TUT4: variants seen among roughly 807,000 people sequenced by gnomAD.
TUT4 encodes terminal uridylyl transferase 4, also known as terminal uridylyltransferase 4.
Under a neutral mutation model 192.2 loss-of-function variants are expected in TUT4, and 36 were observed. The ratio of observed to expected loss-of-function variants is 0.19; its 90% CI spans 0.14 to 0.25. The LOEUF (loss-of-function observed/expected upper bound fraction) is 0.25. TUT4 is among the 10% of genes least tolerant of loss of function. The pLI is 1.00. For synonymous variants in TUT4, 618 were observed against 666.0 expected, an observed-to-expected ratio of 0.93 and a Z score of 1.11; for missense variants, 1,493 against 1,957.2, an observed-to-expected ratio of 0.76 and a Z score of 4.47.
chr1:52,454,648 T>C (rs1020007606), intron 20 of TUT4, among the ~76,000 whole-genome samples: 1 of 152,208 alleles, frequency 6.6e-6, no homozygotes, highest in Non-Finnish European at 1.5e-5. Flanking sequence ...CTGTATGACC[T>C]TGAGTATAGT....
At chr1:52,441,595 C>CAT (rs1481733219) in intron 24 of TUT4, among the ~76,000 whole-genome samples, 1 of 151,714 alleles carries the variant, frequency 6.6e-6, no homozygotes, top group Non-Finnish European at 1.5e-5. Context: ...GCCTGGCCGG[C>CAT]ATACTGCATT....
At chr1:52,530,792 C>T (rs769813147) in intron 1 of TUT4, among the ~76,000 whole-genome samples, 1 of 152,038 alleles carries the variant, frequency 6.6e-6, no homozygotes, top group Non-Finnish European at 1.5e-5. Context: ...TGCTTGAGCT[C>T]GCAAGTTCGA....
At chr1:52,505,610 G>C (rs760503232) in intron 4 of TUT4, among the ~76,000 whole-genome samples, 34 of 151,698 alleles carry the variant, frequency 2.2e-4, no homozygotes, top group Non-Finnish European at 4.4e-4. Flanking sequence ...TTAGTGGAGA[G>C]GGGGTTTCGC....
chr1:52,456,610 T>C (rs1014171328), intron 20 of TUT4, among the ~76,000 whole-genome samples: 1 of 151,794 alleles, frequency 6.6e-6, no homozygotes, highest in African/African-American at 2.4e-5. Flanking sequence ...ACATACTATA[T>C]GATTCCAACA....
intron 11 of TUT4, 25 bp from the exon 12 acceptor site, chr1:52,477,907 T>C (rs200375094): frequency 9.6e-6 from 15 of 1,565,208 alleles, no homozygotes; most frequent in South Asian, 3.6e-5. Flanking sequence ...ATACTTTTCA[T>C]TTAAGCTTAA....
chr1:52,478,071 G>T (rs1213685457), intron 11 of TUT4, among the ~76,000 whole-genome samples, 189 bp from the exon 12 acceptor site: 1 of 152,114 alleles, frequency 6.6e-6, no homozygotes, highest in Non-Finnish European at 1.5e-5. Context: ...TAGGAATTCT[G>T]CATTCTTTCC....
At position 52,423,975 on chromosome 1, in the gene TUT4, T is replaced by G. The variant is rs371651175; in HGVS notation, c.4898A>C (p.Glu1633Ala). 142 of 1,612,484 alleles carry G rather than the reference T, an allele frequency of 8.8e-5. No homozygotes were observed. The highest frequency in any genetic ancestry group is 1.2e-4 in the Non-Finnish European group (136 of 1,179,418). ...TCCTCTTGGTGGGTGGGGACAACGC[T>G]CTCTACACCGACGGGTGGCACATCT... Reference protein sequence around the residue: ...QDRCATRRCRERCPHPPRGNV... With the variant: ...QDRCATRRCRARCPHPPRGNV... Residue 1633 changes from glutamate (E) to alanine (A), a missense_variant, in exon 30 of 30, where the codon GAG (glutamate) becomes GCG (alanine). By Grantham distance (107) the Glu-to-Ala change is moderately radical. Around this residue, in one of 7 missense-constraint regions of TUT4, gnomAD observed 351 missense variants for 397.8 expected, o/e 0.88. Coordinates refer to ENST00000257177, the MANE Select transcript of TUT4 (RefSeq NM_001009881.3).
In TUT4 at chr1:52,431,290, G is replaced by C. The variant is rs780549636; in HGVS notation, c.4434C>G (p.Pro1478=). 6.2e-7 allele frequency: 1 copy of C among 1,614,138 alleles called. No homozygotes were observed. The highest frequency in any genetic ancestry group is 1.3e-5 in the African/African-American group (1 of 75,016). ...GAGAATACTGAGCTGGTGGTGACTGGGGAAAGTTATACAGTGGCATCTGGA... is the reference window on the plus strand; with the variant it reads ...GAGAATACTGAGCTGGTGGTGACTGCGGAAAGTTATACAGTGGCATCTGGA... ...HQVQMPLYNF[P]QSPPAQYSPM... is the part of the protein sequence containing the mutation. Residue 1478 remains proline, a synonymous_variant, in exon 28 of 30, where the codon CCC becomes CCG. Coordinates refer to ENST00000257177, the MANE Select transcript of TUT4 (RefSeq NM_001009881.3).
rs771798806 is a variant in TUT4, at chr1:52,477,870, A to G, written c.1861T>C (p.Leu621=). Reference sequence around the variant, plus strand: ...AAGGATACCCGATTTGGTGTTTCCAATGCTAAAGGAGACTGGAAAAGAAAA... The same window carrying G: ...AAGGATACCCGATTTGGTGTTTCCAGTGCTAAAGGAGACTGGAAAAGAAAA... ...KEKHGKSPLA[L]ETPNRVSLGQ... is the part of the protein sequence containing the mutation. The change falls in exon 12 of 30, where the codon TTG becomes CTG. Residue 621 remains leucine, a synonymous_variant. Transcript: ENST00000257177. 5.0e-5 allele frequency: 80 copies of G among 1,586,900 alleles called. No individual in the cohort carries two copies. Among genetic ancestry groups the G allele is most frequent in the African/African-American group, 3.4e-4 (25 of 73,226 alleles).
intron 4 of TUT4, among the ~76,000 whole-genome samples, chr1:52,505,110 G>A (rs995682348): frequency 6.6e-6 from 1 of 152,080 alleles, no homozygotes; most frequent in African/African-American, 2.4e-5. Context: ...TGAAATTACT[G>A]GATCATACTG....
intron 11 of TUT4, 43 bp downstream of exon 11, chr1:52,481,380 T>G: frequency 6.3e-7 from 1 of 1,587,626 alleles, no homozygotes; most frequent in Non-Finnish European, 8.6e-7. Context: ...TATCACAAAT[T>G]CTACAGATAG....
intron 28 of TUT4, among the ~76,000 whole-genome samples, chr1:52,426,343 T>C (rs536030155): frequency 1.3e-5 from 2 of 152,190 alleles, no homozygotes; most frequent in Non-Finnish European, 2.9e-5. Context: ...CCTATTCTTT[T>C]TATGGCTAAC....
At position 52,489,050 on chromosome 1, in the gene TUT4, G is replaced by T. The variant is rs772987714; in HGVS notation, c.1389-15C>A. ...AAAGTAAACCACTGTGAATGAGAAA[G>T]AAACAAATTTCATTGTATTAATACC... On this transcript the variant is annotated splice_polypyrimidine_tract_variant and intron_variant, in intron 8 of 29. Coordinates refer to ENST00000257177, the MANE Select transcript of TUT4 (RefSeq NM_001009881.3). 6.2e-6 allele frequency: 10 copies of T among 1,601,932 alleles called. No homozygotes were observed. Among genetic ancestry groups the T allele is most frequent in the Non-Finnish European group, 8.5e-6 (10 of 1,176,410 alleles).
At chr1:52,482,578 CACCATGCT>C (rs1668763262) in intron 9 of TUT4, among the ~76,000 whole-genome samples, 2 of 152,098 alleles carry the variant, frequency 1.3e-5, no homozygotes, top group Admixed American at 6.5e-5. Flanking sequence ...AGGCATGCAC[CACCATGCT>C]CAGCTAATTT....
At chr1:52,445,386 G>A (rs17107226) in intron 24 of TUT4, among the ~76,000 whole-genome samples, 2,994 of 152,048 alleles carry the variant, frequency 0.02, 97 homozygotes, top group African/African-American at 0.07. Context: ...TATTTTCATC[G>A]AGATTTCTGA....
At chr1:52,466,680 A>T (rs12065635) in intron 15 of TUT4, among the ~76,000 whole-genome samples, 38,059 of 129,808 alleles carry the variant, frequency 0.29, 6,011 homozygotes, top group African/African-American at 0.43. Flanking sequence ...ATATATATAT[A>T]TATTTTTGAG....
chr1:52,455,729 A>C (rs1199736558), intron 20 of TUT4, among the ~76,000 whole-genome samples: 1 of 151,894 alleles, frequency 6.6e-6, no homozygotes, highest in Non-Finnish European at 1.5e-5. Flanking sequence ...ATACACCTAA[A>C]GGAAAGAAAG....
At chr1:52,476,078 C>T (rs1487653436) in intron 12 of TUT4, among the ~76,000 whole-genome samples, 7 of 152,150 alleles carry the variant, frequency 4.6e-5, no homozygotes, top group African/African-American at 1.4e-4. Context: ...CTTCTGACCT[C>T]AGGTGATCCG....
intron 20 of TUT4, among the ~76,000 whole-genome samples, chr1:52,450,058 T>G (rs1447126051): frequency 2.0e-5 from 3 of 152,216 alleles, no homozygotes; most frequent in Non-Finnish European, 2.9e-5. Flanking sequence ...TTATTATGAT[T>G]TGCTAGGGTA....
Sources: allele counts gnomAD v4.1 joint callset (sites outside exome capture counted in the v4.1 genomes callset), GRCh38; gene constraint gnomAD v4.1.1; regional missense constraint gnomAD v4.1.1; transcripts MANE v1.5; gene names NCBI Gene and HGNC (gene_info 2026-07-23, HGNC 2026-07-21).